XKR3: variants seen among roughly 807,000 people sequenced by gnomAD.
XKR3 encodes the protein XK-related protein 3.
XKR3 carries 27 observed loss-of-function variants against 40.3 expected under a neutral mutation model. That is an observed-to-expected ratio of 0.67 (90% CI 0.49 to 0.92). The LOEUF (loss-of-function observed/expected upper bound fraction) is 0.92, where lower values mean the gene tolerates loss of function less well. XKR3 is among the 40% of genes least tolerant of loss of function. XKR3 has a pLI of 0.00. For synonymous variants in XKR3, 193 were observed against 195.4 expected, an observed-to-expected ratio of 0.99 and a Z score of 0.10; for missense variants, 472 against 537.6, an observed-to-expected ratio of 0.88 and a Z score of 1.21.
chr22:16,783,922 T>C lies in XKR3; in HGVS notation c.1077A>G (p.Ile359Met), dbSNP rs771943502. 27 of 1,614,052 alleles carry C rather than the reference T, an allele frequency of 1.7e-5. No homozygotes were observed. Among genetic ancestry groups the C allele is most frequent in the Non-Finnish European group, 2.2e-5 (26 of 1,180,048 alleles). ...TCCCTCCAAAGAACCTAAATACCAA[T>C]ATCATTATCACATTTTCTAAAAACT... ...SFQFLENVIM[I>M]LVFRFFGGKT... Residue 359 changes from isoleucine to methionine, a missense_variant, in exon 4 of 4, where the codon ATA (isoleucine) becomes ATG (methionine). Physicochemically the swap from Ile to Met is conservative, Grantham distance 10. Transcript: ENST00000684488.
intron 1 of XKR3, among the ~76,000 whole-genome samples, chr22:16,812,975 A>G (rs1283716983): frequency 6.6e-6 from 1 of 152,064 alleles, no homozygotes; most frequent in Non-Finnish European, 1.5e-5. Context: ...GCTGTGTATA[A>G]CAATCACTGT....
chr22:16,804,328 T>G (rs1043175147), intron 2 of XKR3, among the ~76,000 whole-genome samples: 3 of 152,160 alleles, frequency 2.0e-5, no homozygotes, highest in African/African-American at 7.2e-5. Flanking sequence ...CCCTATATAA[T>G]GTGACTTACT....
intron 1 of XKR3, among the ~76,000 whole-genome samples, chr22:16,809,484 T>C: frequency 6.6e-6 from 1 of 152,256 alleles, no homozygotes; most frequent in East Asian, 1.9e-4. Flanking sequence ...AGAGAATTTC[T>C]ATTAGTTATT....
At chr22:16,784,465 T>C (rs2060081635) in intron 3 of XKR3, 56 bp from the exon 4 acceptor site, 1 of 1,462,092 alleles carries the variant, frequency 6.8e-7, no homozygotes, top group Non-Finnish European at 9.2e-7. Flanking sequence ...TAATGACCAC[T>C]TTCTTTTTTA....
At chr22:16,790,114 G>A (rs2060107828) in intron 3 of XKR3, among the ~76,000 whole-genome samples, 1 of 151,996 alleles carries the variant, frequency 6.6e-6, no homozygotes. Flanking sequence ...ACTAACCCTA[G>A]GCAATACAGT....
At chr22:16,820,336 T>C (rs772959391) in intron 1 of XKR3, among the ~76,000 whole-genome samples, 1 of 152,194 alleles carries the variant, frequency 6.6e-6, no homozygotes, top group Non-Finnish European at 1.5e-5. Context: ...CAGGTATAAT[T>C]GGAAGAATCC....
chr22:16,800,653 T>C (rs570270679), intron 2 of XKR3, among the ~76,000 whole-genome samples: 1 of 152,324 alleles, frequency 6.6e-6, no homozygotes, highest in East Asian at 1.9e-4. Context: ...AGATATGATC[T>C]ATAGTGGAGT....
chr22:16,796,748 CA>C (rs1216161714), intron 3 of XKR3, among the ~76,000 whole-genome samples: 1 of 152,116 alleles, frequency 6.6e-6, no homozygotes, highest in Non-Finnish European at 1.5e-5. Flanking sequence ...GGCAGAAGCG[CA>C]AATTATTTAA....
intron 3 of XKR3, among the ~76,000 whole-genome samples, chr22:16,787,650 A>C (rs958310898): frequency 1.3e-3 from 199 of 152,182 alleles, no homozygotes; most frequent in African/African-American, 4.6e-3. Flanking sequence ...TCCAAATCTA[A>C]ATAAAAATAT....
chr22:16,809,181 C>T (rs1229531317), intron 1 of XKR3, among the ~76,000 whole-genome samples: 2 of 152,112 alleles, frequency 1.3e-5, no homozygotes, highest in African/African-American at 4.8e-5. Flanking sequence ...AAATTTTATG[C>T]TGCAGAATAT....
At chr22:16,788,949 T>C (rs1313229635) in intron 3 of XKR3, among the ~76,000 whole-genome samples, 4 of 152,198 alleles carry the variant, frequency 2.6e-5, no homozygotes, top group Non-Finnish European at 4.4e-5. Flanking sequence ...CATCTTTTTA[T>C]AATAAAATCT....
At position 16,784,314 on chromosome 22, in the gene XKR3, T is replaced by C; in HGVS notation, c.685A>G (p.Lys229Glu). 1 of 1,614,170 alleles carries C rather than the reference T, an allele frequency of 6.2e-7. No homozygotes were observed. Among genetic ancestry groups the C allele is most frequent in the African/African-American group, 1.3e-5 (1 of 75,050 alleles). ...CAGAAGAATTCTATCGGCGGTAGCTTAATGGTAGTATCATCATTGCTGATC... is the reference window on the plus strand; with the variant it reads ...CAGAAGAATTCTATCGGCGGTAGCTCAATGGTAGTATCATCATTGCTGATC... ...IQISNDDTTI[K>E]LPPIEFFCVV... is the part of the protein sequence containing the mutation. The change falls in exon 4 of 4, where the codon AAG (lysine) becomes GAG (glutamate). Residue 229 changes from lysine to glutamate, a missense_variant. Transcript: ENST00000684488.
chr22:16,813,196 A>G (rs758058546), intron 1 of XKR3, among the ~76,000 whole-genome samples: 69 of 152,182 alleles, frequency 4.5e-4, no homozygotes, highest in Admixed American at 2.0e-3. Flanking sequence ...AGGCAGGAGT[A>G]TGGCGTGAAC....
chr22:16,819,412 T>G (rs1297769635), intron 1 of XKR3, among the ~76,000 whole-genome samples: 3 of 152,138 alleles, frequency 2.0e-5, no homozygotes, highest in Non-Finnish European at 2.9e-5. Context: ...TAGGGATAGA[T>G]TCATAAAAAA....
chr22:16,797,062 A>C (rs2060144261), intron 3 of XKR3, among the ~76,000 whole-genome samples: 1 of 152,238 alleles, frequency 6.6e-6, no homozygotes, highest in Non-Finnish European at 1.5e-5. Flanking sequence ...TGAAACAGGC[A>C]ATGGGAAAAG....
chr22:16,799,757 G>A lies in XKR3; in HGVS notation c.589+14C>T. On this transcript the variant is annotated intron_variant, in intron 3 of 3. Coordinates refer to ENST00000684488, the MANE Select transcript of XKR3 (RefSeq NM_001386955.1). ...ACCTTTGTGTGTCTTTCAGCATCAAGTAACTCAACTTACCTCTATTCAAAG... is the reference window on the plus strand; with the variant it reads ...ACCTTTGTGTGTCTTTCAGCATCAAATAACTCAACTTACCTCTATTCAAAG... 6.2e-7 allele frequency: 1 copy of A among 1,612,614 alleles called. No individual in the cohort carries two copies. Among genetic ancestry groups the A allele is most frequent in the Non-Finnish European group, 8.5e-7 (1 of 1,179,204 alleles).
rs1392415052 is a variant in XKR3, at chr22:16,808,039, C to A, written c.35G>T (p.Ser12Ile). Reference sequence around the variant, plus strand: ...TTTCGAAGATGAAACTCCTCCTGTGCTTTCTTCATCCATCTCTTCAAACAC... The same window carrying A: ...TTTCGAAGATGAAACTCCTCCTGTGATTTCTTCATCCATCTCTTCAAACAC... ...ETVFEEMDEESTGGVSSSKEE... is the reference protein window; with the variant it reads ...ETVFEEMDEEITGGVSSSKEE... The change falls in exon 2 of 4, where the codon AGC (serine) becomes ATC (isoleucine). Residue 12 changes from serine to isoleucine, a missense_variant. Transcript: ENST00000684488. 4 of 1,611,062 alleles carry A rather than the reference C, an allele frequency of 2.5e-6. No homozygotes were observed. Among genetic ancestry groups the A allele is most frequent in the Non-Finnish European group, 3.4e-6 (4 of 1,178,894 alleles).
intron 3 of XKR3, among the ~76,000 whole-genome samples, chr22:16,795,489 A>G (rs2060136588): frequency 1.3e-5 from 2 of 152,158 alleles, no homozygotes; most frequent in Admixed American, 6.5e-5. Context: ...CTTTGCACCT[A>G]AAAGAACTGG....
intron 1 of XKR3, chr22:16,821,462 T>G (rs1373921132): frequency 1.3e-5 from 2 of 152,152 alleles, no homozygotes; most frequent in Non-Finnish European, 2.9e-5. Context: ...CAGCTGCAAC[T>G]TTGTACACAA....
Sources: gnomAD v4.1 joint callset for allele counts (sites outside exome capture counted in the v4.1 genomes callset) on GRCh38, gnomAD v4.1.1 for gene constraint, MANE v1.5 for transcripts, NCBI Gene and HGNC (gene_info 2026-07-23, HGNC 2026-07-21) for gene names.